DNAAF9: variants seen among roughly 807,000 people sequenced by gnomAD.
DNAAF9 encodes dynein axonemal assembly factor 9.
A neutral mutation model predicts 167.0 loss-of-function variants in DNAAF9; 90 were observed. The ratio of observed to expected loss-of-function variants is 0.54; its 90% CI spans 0.45 to 0.64. DNAAF9 has a LOEUF of 0.64. Among genes scored for constraint, DNAAF9 ranks in the 30% least tolerant of loss-of-function variants. The pLI is 0.00. For missense variants in DNAAF9, 1,315 were observed against 1,442.2 expected, an observed-to-expected ratio of 0.91 and a Z score of 1.43; for synonymous variants, 491 against 508.8, an observed-to-expected ratio of 0.96 and a Z score of 0.47.
chr20:3,381,380 A>G lies in DNAAF9; in HGVS notation c.282T>C (p.Asp94=). The G allele has an allele frequency of 6.2e-7, 1 of 1,607,066 alleles. No individual in the cohort carries two copies. Among genetic ancestry groups the G allele is most frequent in the South Asian group, 1.1e-5 (1 of 90,906 alleles). ...CAGAGTTTACCAATATATACTTACCATCTAGTACTTCTTCAGAAAATCCCG... is the reference window on the plus strand; with the variant it reads ...CAGAGTTTACCAATATATACTTACCGTCTAGTACTTCTTCAGAAAATCCCG... The part of the protein sequence containing the change: ...EKTGFSEEVL[D]DVIILIKSDS... Residue 94 remains aspartate (D), a splice_region_variant and synonymous_variant, in exon 3 of 37, where the codon GAT becomes GAC. Transcript: ENST00000252032.
intron 1 of DNAAF9, among the ~76,000 whole-genome samples, chr20:3,394,511 C>A (rs1166263255): frequency 6.6e-6 from 1 of 152,062 alleles, no homozygotes. Flanking sequence ...CTTGTGCCTT[C>A]CCCAGTCAGT....
intron 1 of DNAAF9, among the ~76,000 whole-genome samples, chr20:3,391,342 T>TA (rs899732838): frequency 1.4e-4 from 21 of 152,228 alleles, no homozygotes; most frequent in South Asian, 2.1e-4. Flanking sequence ...TAGTAAGTAT[T>TA]AAAAAACCCA....
chr20:3,355,626 C>CT lies in DNAAF9; in HGVS notation c.690+3889dup, dbSNP rs567294257. 2.4e-3 allele frequency among the ~76,000 whole-genome samples: 363 copies of CT among 152,028 alleles called. 9 individuals carry two copies. In the South Asian group the frequency reaches 0.066, roughly 28 times the overall value. On this transcript the variant is annotated intron_variant, in intron 7 of 36. Transcript: ENST00000252032. ...ACAGATGTTCAATGTTATCAAATGC[C>CT]TTTTTTTAGCATCTATAGAGTCATT...
chr20:3,316,477 CTAATT>C (rs1291133839), intron 18 of DNAAF9, among the ~76,000 whole-genome samples: 2 of 148,536 alleles, frequency 1.3e-5, no homozygotes, highest in African/African-American at 5.0e-5. Context: ...TCTTCCTTTC[CTAATT>C]TAACAGTGAC....
At chr20:3,313,783 C>A (rs964328896) in intron 20 of DNAAF9, among the ~76,000 whole-genome samples, 1 of 152,148 alleles carries the variant, frequency 6.6e-6, no homozygotes, top group Non-Finnish European at 1.5e-5. Flanking sequence ...CAGCTACAAA[C>A]AAAGTACTAC....
chr20:3,260,101 A>C, intron 31 of DNAAF9, 73 bp from the exon 32 acceptor site: 1 of 788,222 alleles, frequency 1.3e-6, no homozygotes, highest in Non-Finnish European at 2.2e-6. Context: ...GCACTCTGGG[A>C]GGCCGAGGCG....
At chr20:3,281,514 T>C (rs1017471904) in intron 28 of DNAAF9, 127 bp downstream of exon 28, 10 of 817,736 alleles carry the variant, frequency 1.2e-5, no homozygotes, top group Non-Finnish European at 1.9e-6. Flanking sequence ...ATTGAGGACC[T>C]AGCACTAATA....
Position 3,322,528 on chromosome 20 carries a change from A to G in DNAAF9, c.1310+124T>C, listed in dbSNP as rs372966452. On this transcript the variant is annotated intron_variant, in intron 15 of 36. Transcript: ENST00000252032. ...GCTGAGCACAGCCAGCCCAAGCCCA[A>G]CCCTGGAGTGATGTCACTGCTAGGT... 8.2e-6 allele frequency: 7 copies of G among 852,614 alleles called. No homozygotes were observed. The African/African-American group carries it at 9.9e-5, about 12-fold the overall frequency. The allele number at this position is 852,614 out of a possible 1,614,324, so 52.8% of individuals were successfully genotyped here.
At chr20:3,379,769 G>A (rs556470441) in intron 3 of DNAAF9, among the ~76,000 whole-genome samples, 2 of 152,198 alleles carry the variant, frequency 1.3e-5, no homozygotes, top group Middle Eastern at 6.8e-3. Flanking sequence ...CAGGTAAAAA[G>A]ATAAAAACAG....
At chr20:3,373,833 C>T (rs1045030339) in intron 6 of DNAAF9, among the ~76,000 whole-genome samples, 8 of 152,082 alleles carry the variant, frequency 5.3e-5, no homozygotes, top group Admixed American at 2.6e-4. Flanking sequence ...AGAGGAAGGA[C>T]GGAGAAGAAC....
At position 3,369,987 on chromosome 20, in the gene DNAAF9, GA is replaced by G. The variant is rs1221708062; in HGVS notation, c.612+4060del. Among the ~76,000 whole-genome samples the G allele has an allele frequency of 2.0e-5, 3 of 151,760 alleles. No homozygotes were observed. The East Asian group carries it at 5.8e-4, about 29-fold the overall frequency. ...TGGTCTTCTTTTAAAAAAAAAAATT[GA>G]TCTTTTTCTTTTGAGTTACTGCTGT... On this transcript the variant is annotated intron_variant, in intron 6 of 36. Coordinates refer to ENST00000252032, the MANE Select transcript of DNAAF9 (RefSeq NM_001009984.3).
intron 7 of DNAAF9, among the ~76,000 whole-genome samples, chr20:3,358,960 G>A (rs561703239): frequency 1.3e-5 from 2 of 152,210 alleles, no homozygotes; most frequent in East Asian, 1.9e-4. Context: ...TAGACAGGCC[G>A]TGTATTTTTG....
intron 31 of DNAAF9, among the ~76,000 whole-genome samples, chr20:3,262,087 T>C (rs2068400254): frequency 6.6e-6 from 1 of 152,044 alleles, no homozygotes; most frequent in African/African-American, 2.4e-5. Flanking sequence ...GAGTAATATA[T>C]AGAGATGAGT....
intron 33 of DNAAF9, among the ~76,000 whole-genome samples, chr20:3,257,576 C>T (rs1230897119): frequency 6.6e-6 from 1 of 152,114 alleles, no homozygotes; most frequent in Admixed American, 6.6e-5. Flanking sequence ...CGGAGTTTCA[C>T]TCTGTCGCCC....
intron 8 of DNAAF9, among the ~76,000 whole-genome samples, chr20:3,344,626 C>T (rs1438635993): frequency 1.5e-5 from 2 of 130,002 alleles, no homozygotes; most frequent in Non-Finnish European, 3.3e-5. Flanking sequence ...CACACACACA[C>T]ACACACACAC....
chr20:3,304,199 C>A (rs2281507), intron 21 of DNAAF9, among the ~76,000 whole-genome samples: 39,265 of 151,942 alleles, frequency 0.26, 5,316 homozygotes, highest in East Asian at 0.37. Context: ...GCTGGCCCTT[C>A]TGACCAGAAG....
intron 29 of DNAAF9, among the ~76,000 whole-genome samples, chr20:3,278,393 G>A (rs1057175961): frequency 3.3e-5 from 5 of 152,190 alleles, no homozygotes; most frequent in African/African-American, 1.2e-4. Context: ...CCCAGCTCAA[G>A]GAGAGGTATT....
At chr20:3,313,429 C>T (rs922002907) in intron 20 of DNAAF9, among the ~76,000 whole-genome samples, 7 of 152,064 alleles carry the variant, frequency 4.6e-5, no homozygotes, top group Non-Finnish European at 1.0e-4. Flanking sequence ...AATTTGCCAC[C>T]GGATAGAATA....
intron 33 of DNAAF9, 115 bp downstream of exon 33, chr20:3,259,365 C>G: frequency 1.3e-6 from 1 of 778,978 alleles, no homozygotes; most frequent in South Asian, 1.5e-5. Flanking sequence ...GGGAAGGTTT[C>G]TGAGAGTCTG....
Sources: allele counts gnomAD v4.1 joint callset (sites outside exome capture counted in the v4.1 genomes callset), GRCh38; gene constraint gnomAD v4.1.1; transcripts MANE v1.5; gene names NCBI Gene and HGNC (gene_info 2026-07-23, HGNC 2026-07-21).